The following SH3RF1 variants were observed in gnomAD, a reference collection of about 807,000 sequenced individuals.
SH3RF1 encodes the protein E3 ubiquitin-protein ligase SH3RF1.
A neutral mutation model predicts 74.0 loss-of-function variants in SH3RF1; 32 were observed. The observed-to-expected ratio is 0.43, with a 90% CI of 0.33 to 0.58. The LOEUF (loss-of-function observed/expected upper bound fraction) is 0.58. Among genes scored for constraint, SH3RF1 ranks in the 20% least tolerant of loss-of-function variants. The pLI, the probability that SH3RF1 is intolerant of heterozygous loss-of-function variation, is 0.05. For missense variants in SH3RF1, 954 were observed against 1,130.9 expected (o/e 0.84, Z 2.24); for synonymous variants, 396 against 439.6 (o/e 0.90, Z 1.24).
At chr4:169,149,904 T>G (rs1733948984) in intron 4 of SH3RF1, among the ~76,000 whole-genome samples, 1 of 152,226 alleles carries the variant, frequency 6.6e-6, no homozygotes, top group Non-Finnish European at 1.5e-5. Flanking sequence ...ATTGTTATTC[T>G]TAGCTCCTCC....
At chr4:169,249,009 C>CCT (rs1731054709) in intron 2 of SH3RF1, among the ~76,000 whole-genome samples, 5 of 152,128 alleles carry the variant, frequency 3.3e-5, no homozygotes, top group African/African-American at 1.2e-4. Context: ...GGGCAGATCA[C>CCT]GAGGTCAGGA....
chr4:169,234,078 G>A (rs895732539), intron 2 of SH3RF1, among the ~76,000 whole-genome samples: 2 of 151,946 alleles, frequency 1.3e-5, no homozygotes, highest in African/African-American at 2.4e-5. Flanking sequence ...TTAGACCACC[G>A]GAACACCCCT....
At chr4:169,269,894 CAG>C (rs1731418149) in intron 1 of SH3RF1, 1 of 152,216 alleles carries the variant, frequency 6.6e-6, no homozygotes, top group African/African-American at 2.4e-5. Flanking sequence ...CTAAAAGACA[CAG>C]ATTTGCTTGA....
chr4:169,240,179 AATT>A (rs1364173160), intron 2 of SH3RF1, among the ~76,000 whole-genome samples: 1 of 152,106 alleles, frequency 6.6e-6, no homozygotes, highest in Non-Finnish European at 1.5e-5. Flanking sequence ...TATTATAATA[AATT>A]CAGTTTTACT....
At chr4:169,194,496 C>T (rs1457017903) in intron 2 of SH3RF1, among the ~76,000 whole-genome samples, 2 of 152,118 alleles carry the variant, frequency 1.3e-5, no homozygotes, top group Non-Finnish European at 2.9e-5. Flanking sequence ...TGTCTGGCTT[C>T]TTTTGATCTA....
intron 2 of SH3RF1, among the ~76,000 whole-genome samples, chr4:169,260,534 G>A (rs1036110872): frequency 6.6e-6 from 1 of 152,142 alleles, no homozygotes; most frequent in African/African-American, 2.4e-5. Context: ...GAGAGCCAGG[G>A]CAGAGGTGGA....
chr4:169,149,737 A>G (rs542251908), intron 4 of SH3RF1, among the ~76,000 whole-genome samples: 1 of 152,230 alleles, frequency 6.6e-6, no homozygotes, highest in East Asian at 1.9e-4. Flanking sequence ...GGAAAATAAT[A>G]CATCTAAAGG....
chr4:169,174,138 A>C (rs1387619577), intron 2 of SH3RF1, among the ~76,000 whole-genome samples: 2 of 151,970 alleles, frequency 1.3e-5, no homozygotes, highest in South Asian at 4.2e-4. Context: ...ATCATGGCTC[A>C]CTGCAGCCCC....
intron 2 of SH3RF1, among the ~76,000 whole-genome samples, chr4:169,221,847 A>T (rs1730569194): frequency 6.6e-6 from 1 of 152,194 alleles, no homozygotes; most frequent in Non-Finnish European, 1.5e-5. Context: ...AAAGATCCAA[A>T]ATCGTTACAC....
chr4:169,195,271 G>A (rs1734790640), intron 2 of SH3RF1, among the ~76,000 whole-genome samples: 1 of 152,168 alleles, frequency 6.6e-6, no homozygotes, highest in South Asian at 2.1e-4. Flanking sequence ...TTTCTTCTAA[G>A]AAGTCAGCTA....
chr4:169,169,842 C>T (rs536228481), intron 2 of SH3RF1, among the ~76,000 whole-genome samples: 4 of 152,228 alleles, frequency 2.6e-5, no homozygotes, highest in East Asian at 1.9e-4. Context: ...ATCCTCCTGT[C>T]GTAGCCTCCT....
At position 169,094,969 on chromosome 4, in the gene SH3RF1, T is replaced by G. The variant is rs1158759962; in HGVS notation, c.*1550A>C. On this transcript the variant is annotated 3_prime_UTR_variant, in exon 12 of 12. Coordinates refer to ENST00000284637, the MANE Select transcript of SH3RF1 (RefSeq NM_020870.4). ...TGTATTTCCCATGAGAAAACTGTGG[T>G]AAGGATCTTATTCATTACCAGGCTG... is the stretch of plus-strand genomic sequence containing the variant. The G allele has an allele frequency of 6.6e-6, 1 of 152,402 alleles. No individual in the cohort carries two copies. Among genetic ancestry groups the G allele is most frequent in the Non-Finnish European group, 1.5e-5 (1 of 68,002 alleles). 9.4% of individuals were successfully genotyped at this position (152,402 alleles called of 1,614,324 possible). A position where few individuals can be genotyped will look rare whatever the true frequency, so the allele number is the denominator to read the frequency against.
chr4:169,116,130 T>G lies in SH3RF1; in HGVS notation c.2139+139A>C, dbSNP rs890325150. 3 of 1,217,080 alleles carry G rather than the reference T, an allele frequency of 2.5e-6. No homozygotes were observed. In the African/African-American group the frequency reaches 4.6e-5, roughly 19 times the overall value. The allele number at this position is 1,217,080 out of a possible 1,614,324, so 75.4% of individuals were successfully genotyped here. ...CCCACTCTACTCCTAGCACCTGGCATAGTGACTCACACGTAGGGAGCACCT... is the reference window on the plus strand; with the variant it reads ...CCCACTCTACTCCTAGCACCTGGCAGAGTGACTCACACGTAGGGAGCACCT... On this transcript the variant is annotated intron_variant, in intron 10 of 11. Coordinates refer to ENST00000284637, the MANE Select transcript of SH3RF1 (RefSeq NM_020870.4).
chr4:169,223,388 G>A (rs1159912814), intron 2 of SH3RF1, among the ~76,000 whole-genome samples: 1 of 152,144 alleles, frequency 6.6e-6, no homozygotes, highest in Non-Finnish European at 1.5e-5. Flanking sequence ...AAGGGGTGGT[G>A]GCTAAAATGG....
At chr4:169,265,769 C>T (rs1731341927) in intron 2 of SH3RF1, among the ~76,000 whole-genome samples, 1 of 152,212 alleles carries the variant, frequency 6.6e-6, no homozygotes, top group African/African-American at 2.4e-5. Flanking sequence ...AGCCACCACA[C>T]CTGGCCAGCT....
chr4:169,215,247 G>A (rs1237540963), intron 2 of SH3RF1, among the ~76,000 whole-genome samples: 1 of 152,100 alleles, frequency 6.6e-6, no homozygotes, highest in Non-Finnish European at 1.5e-5. Flanking sequence ...TGCTGTGATG[G>A]ATTACATTAA....
chr4:169,183,320 C>T (rs1318837648), intron 2 of SH3RF1, among the ~76,000 whole-genome samples: 2 of 152,140 alleles, frequency 1.3e-5, no homozygotes, highest in Non-Finnish European at 2.9e-5. Context: ...TCGCTCTTGT[C>T]CCCAGGCTGG....
At chr4:169,172,940 TG>T (rs1486620457) in intron 2 of SH3RF1, among the ~76,000 whole-genome samples, 1 of 152,206 alleles carries the variant, frequency 6.6e-6, no homozygotes, top group East Asian at 1.9e-4. Context: ...GAATCTTCTT[TG>T]AGGTTATGTA....
At chr4:169,121,908 T>C (rs1733440805) in intron 7 of SH3RF1, among the ~76,000 whole-genome samples, 192 bp downstream of exon 7, 1 of 152,252 alleles carries the variant, frequency 6.6e-6, no homozygotes, top group Admixed American at 6.5e-5. Context: ...GGCAAGCTCA[T>C]GTATCAGACT....
Sources: gnomAD v4.1 joint callset for allele counts (sites outside exome capture counted in the v4.1 genomes callset) on GRCh38, gnomAD v4.1.1 for gene constraint, MANE v1.5 for transcripts, NCBI Gene and HGNC (gene_info 2026-07-23, HGNC 2026-07-21) for gene names.